The following NSUN5 variants were observed in gnomAD, a reference collection of about 807,000 sequenced individuals.
NSUN5 encodes 28S rRNA (cytosine-C(5))-methyltransferase.
In NSUN5, 39 loss-of-function variants were observed where a neutral mutation model predicts 51.1. That is an observed-to-expected ratio of 0.76 (90% CI 0.59 to 1.00). NSUN5 has a LOEUF of 1.00. Ranked by LOEUF, NSUN5 falls within the 50% of genes least tolerant of loss-of-function variation. The pLI, the probability that NSUN5 is intolerant of heterozygous loss-of-function variation, is 0.00. For missense variants in NSUN5, 526 were observed against 614.0 expected, an observed-to-expected ratio of 0.86 and a Z score of 1.51; for synonymous variants, 266 against 271.5, an observed-to-expected ratio of 0.98 and a Z score of 0.20.
At position 73,308,018 on chromosome 7, in the gene NSUN5, A is replaced by G. The variant is rs1286998651; in HGVS notation, c.217-261T>C. The G allele has an allele frequency of 7.6e-5, 38 of 501,628 alleles. 1 individual carries two copies. Among genetic ancestry groups the G allele is most frequent in the Non-Finnish European group, 3.5e-5 (10 of 284,486 alleles). 31.1% of individuals were successfully genotyped at this position (501,628 alleles called of 1,614,324 possible). On this transcript the variant is annotated intron_variant, in intron 2 of 9. Transcript: ENST00000438747. ...CACCTCTGCACCCAACTTCTTGCCA[A>G]CATTACCCTTTCGTGGGTTTGGGTT...
chr7:73,308,648 C>T (rs371383895), intron 1 of NSUN5, 50 bp downstream of exon 1: 160 of 1,590,644 alleles, frequency 1.0e-4, no homozygotes, highest in Middle Eastern at 4.5e-4. Context: ...TCCGACCCCA[C>T]CCCGGGTTCC....
At position 73,304,407 on chromosome 7, in the gene NSUN5, TC is replaced by T; in HGVS notation, c.756del (p.Lys253ArgfsTer131). 8 of 1,609,658 alleles carry T rather than the reference TC, an allele frequency of 5.0e-6. No homozygotes were observed. The highest frequency in any genetic ancestry group is 6.8e-6 in the Non-Finnish European group (8 of 1,177,696). Reference protein sequence around the residue: ...SHLAALLKNQGKIFAFDLDAK... With the variant: ...SHLAALLKNQXKIFAFDLDAK... Reference sequence around the variant, plus strand: ...GCATCCAGGTCAAAGGCAAAGATCTTCCTAGGGCAAAGCAGGGGTGAGCTGA... The same window carrying T: ...GCATCCAGGTCAAAGGCAAAGATCTTCTAGGGCAAAGCAGGGGTGAGCTGA... On this transcript the variant is annotated frameshift_variant and splice_region_variant, in exon 7 of 10. Coordinates refer to ENST00000438747, the MANE Select transcript of NSUN5 (RefSeq NM_148956.4). LOFTEE classifies it high-confidence loss of function.
In NSUN5 at chr7:73,308,742, G is replaced by A. The variant is rs111502702; in HGVS notation, c.49C>T (p.Arg17Cys). The A allele has an allele frequency of 3.5e-5, 56 of 1,612,678 alleles. No individual in the cohort carries two copies. The Admixed American group carries it at 5.2e-4, about 15-fold the overall frequency. ...AAGVLAGVES[R>C]QGSIKGLVYS... ...ACCAACCCCTTGATAGAGCCCTGGC[G>A]GCTCTCCACGCCGGCCAACACGCCT... The change falls in exon 1 of 10, where the codon CGC becomes TGC. Residue 17 changes from arginine to cysteine, a missense_variant. Arg to Cys is a radical substitution (Grantham distance 180). Transcript: ENST00000438747.
At chr7:73,305,267 G>T (rs1459591457) in intron 4 of NSUN5, among the ~76,000 whole-genome samples, 170 bp from the exon 5 acceptor site, 2 of 152,160 alleles carry the variant, frequency 1.3e-5, no homozygotes, top group Admixed American at 6.5e-5. Flanking sequence ...AAGCCAGACT[G>T]ATGGGTCAGG....
In NSUN5 at chr7:73,303,182, T is replaced by A; in HGVS notation, c.*233A>T. ...TGGAACTTTTAGTATGAATGTGAGA[T>A]TTTTCTCCTGCTTGTGACATTAAGA... On this transcript the variant is annotated 3_prime_UTR_variant, in exon 10 of 10. Coordinates refer to ENST00000438747, the MANE Select transcript of NSUN5 (RefSeq NM_148956.4). 2.1e-6 allele frequency: 3 copies of A among 1,455,492 alleles called. No homozygotes were observed. The highest frequency in any genetic ancestry group is 2.7e-6 in the Non-Finnish European group (3 of 1,103,422). The allele number at this position is 1,455,492 out of a possible 1,614,324, so 90.2% of individuals were successfully genotyped here. A position where few individuals can be genotyped will look rare whatever the true frequency, so the allele number is the denominator to read the frequency against.
intron 2 of NSUN5, 120 bp from the exon 3 acceptor site, chr7:73,307,877 T>C (rs1175105040): frequency 1.1e-5 from 10 of 880,020 alleles, no homozygotes; most frequent in African/African-American, 3.4e-5. Context: ...CCTGACAAGA[T>C]ACAGGTGGGA....
intron 4 of NSUN5, among the ~76,000 whole-genome samples, chr7:73,306,861 G>GAC (rs782154604): frequency 3.3e-5 from 5 of 151,790 alleles, no homozygotes; most frequent in Non-Finnish European, 7.4e-5. Context: ...GACAGAGTGA[G>GAC]ACTCAGTCTA....
intron 4 of NSUN5, 92 bp downstream of exon 4, chr7:73,307,302 C>T (rs1804077693): frequency 1.1e-6 from 1 of 914,614 alleles, no homozygotes; most frequent in Admixed American, 2.1e-5. Context: ...GAAGAAAGCC[C>T]AGAGAGCAAA....
rs782631475 is a variant in NSUN5, at chr7:73,308,476, G to A, written c.171C>T (p.Ala57=). 5 of 1,607,854 alleles carry A rather than the reference G, an allele frequency of 3.1e-6. No homozygotes were observed. The Admixed American group carries it at 8.3e-5, about 27-fold the overall frequency. ...GCTTCTTCTCCGCACGGAGGAGGCC[G>A]GCGCTGGCGATCACAGCATCCAGCA... is the stretch of plus-strand genomic sequence containing the variant. ...SAVLDAVIAS[A]GLLRAEKKLR... is the part of the protein sequence containing the mutation. Residue 57 remains alanine, a synonymous_variant, in exon 2 of 10, where the codon GCC becomes GCT. Coordinates refer to ENST00000438747, the MANE Select transcript of NSUN5 (RefSeq NM_148956.4).
At position 73,303,914 on chromosome 7, in the gene NSUN5, G is replaced by C; in HGVS notation, c.1057C>G (p.Arg353Gly). 6.2e-7 allele frequency: 1 copy of C among 1,613,822 alleles called. No homozygotes were observed. Among genetic ancestry groups the C allele is most frequent in the Non-Finnish European group, 8.5e-7 (1 of 1,179,948 alleles). Reference protein sequence around the residue: ...CHALTFPSLQRLVYSTCSLCQ... With the variant: ...CHALTFPSLQGLVYSTCSLCQ... ...AGGGAGCACGTGGAGTAGACGAGCC[G>C]CTGCAGGGAAGGGAAAGTGAGTGCG... Residue 353 changes from arginine to glycine, a missense_variant, in exon 8 of 10, where the codon CGG becomes GGG. By Grantham distance (125) the Arg-to-Gly change is moderately radical (BLOSUM62 -2). Coordinates refer to ENST00000438747, the MANE Select transcript of NSUN5 (RefSeq NM_148956.4).
intron 1 of NSUN5, 58 bp from the exon 2 acceptor site, chr7:73,308,611 C>G: frequency 6.3e-7 from 1 of 1,586,292 alleles, no homozygotes; most frequent in Non-Finnish European, 8.6e-7. Context: ...CTCGCCGGGC[C>G]CCACCTCCCG....
chr7:73,303,821 T>C lies in NSUN5; in HGVS notation c.1145+5A>G, dbSNP rs369705145. 2.9e-5 allele frequency: 46 copies of C among 1,613,680 alleles called. No individual in the cohort carries two copies. The African/African-American group carries it at 5.3e-4, about 19-fold the overall frequency. The stretch of plus-strand genomic sequence containing the variant: ...CTCCCCACGACCCTGGCGCCCGCCC[T>C]GTACCTGAAGGCGCCCGGGTTCTGC... On this transcript the variant is annotated splice_donor_5th_base_variant and intron_variant, in intron 8 of 9. Transcript: ENST00000438747.
rs782108279 is a variant in NSUN5, at chr7:73,307,400, G to A, written c.494C>T (p.Ala165Val). The change falls in exon 4 of 10, where the codon GCT becomes GTT. Residue 165 changes from alanine (A) to valine (V), a missense_variant. Transcript: ENST00000438747. Reference protein sequence around the residue: ...KRQGFSYQGRASSLDDLRALK... With the variant: ...KRQGFSYQGRVSSLDDLRALK... Reference sequence around the variant, plus strand: ...CAGGGCTCTAAGCTCTCACCTGGAAGCCCGACCCTGATAGGAGAAACCTTG... The same window carrying A: ...CAGGGCTCTAAGCTCTCACCTGGAAACCCGACCCTGATAGGAGAAACCTTG... 2 of 1,613,328 alleles carry A rather than the reference G, an allele frequency of 1.2e-6. No homozygotes were observed. Among genetic ancestry groups the A allele is most frequent in the Non-Finnish European group, 1.7e-6 (2 of 1,179,294 alleles).
chr7:73,308,577 T>C, intron 1 of NSUN5, 24 bp from the exon 2 acceptor site: 2 of 1,593,028 alleles, frequency 1.3e-6, no homozygotes, highest in Non-Finnish European at 1.7e-6. Context: ...GAAGACAAGC[T>C]GGGTGGGGGC....
At position 73,303,557 on chromosome 7, in the gene NSUN5, C is replaced by T. The variant is rs371183343; in HGVS notation, c.1287-28G>A. 82 of 1,614,150 alleles carry T rather than the reference C, an allele frequency of 5.1e-5. 1 individual carries two copies. In the African/African-American group the frequency reaches 8.3e-4, roughly 16 times the overall value. On this transcript the variant is annotated intron_variant, in intron 9 of 9. Coordinates refer to ENST00000438747, the MANE Select transcript of NSUN5 (RefSeq NM_148956.4). ...AGAGAAGTGTAGATGTTAGATGTGC[C>T]GGTGCCATCCTGCGCCTCCCAAGCA...
intron 4 of NSUN5, among the ~76,000 whole-genome samples, chr7:73,306,511 C>T (rs1804046965): frequency 6.6e-6 from 1 of 150,710 alleles, no homozygotes; most frequent in Admixed American, 6.6e-5. Context: ...GCAGAGAAAC[C>T]AGTCTGGGAA....
intron 4 of NSUN5, among the ~76,000 whole-genome samples, chr7:73,306,535 T>TCC (rs782013211): frequency 3.3e-5 from 5 of 151,554 alleles, no homozygotes; most frequent in Non-Finnish European, 7.4e-5. Context: ...CTTGTGGTCA[T>TCC]CCCAATAAGA....
At position 73,307,762 on chromosome 7, in the gene NSUN5, G is replaced by C. The variant is rs1804106337; in HGVS notation, c.217-5C>G. On this transcript the variant is annotated splice_polypyrimidine_tract_variant and splice_region_variant and intron_variant, in intron 2 of 9. Coordinates refer to ENST00000438747, the MANE Select transcript of NSUN5 (RefSeq NM_148956.4). Reference sequence around the variant, plus strand: ...CAACAACTCATACACTAGCACCTGGGAATGAGGGAACAAAGACAAAAACAA... The same window carrying C: ...CAACAACTCATACACTAGCACCTGGCAATGAGGGAACAAAGACAAAAACAA... 6.5e-7 allele frequency: 1 copy of C among 1,541,052 alleles called. No homozygotes were observed. The highest frequency in any genetic ancestry group is 2.4e-5 in the East Asian group (1 of 40,918).
chr7:73,304,827 CGGG>C lies in NSUN5; in HGVS notation c.672_674del (p.Pro226del). ...AGGCATCGATGACATGGGAGCCTGG[CGGG>C]GGGTCCAGCAGCATGGCTGGGAGAC... is the stretch of plus-strand genomic sequence containing the variant. On this transcript the variant is annotated inframe_deletion, in exon 6 of 10. Coordinates refer to ENST00000438747, the MANE Select transcript of NSUN5 (RefSeq NM_148956.4). 6.2e-7 allele frequency: 1 copy of C among 1,613,772 alleles called. No individual in the cohort carries two copies. The highest frequency in any genetic ancestry group is 1.1e-5 in the South Asian group (1 of 91,064).
Sources: allele counts gnomAD v4.1 joint callset (sites outside exome capture counted in the v4.1 genomes callset), GRCh38; gene constraint gnomAD v4.1.1; transcripts MANE v1.5; gene names NCBI Gene and HGNC (gene_info 2026-07-23, HGNC 2026-07-21).